The following DPP4 variants were observed in gnomAD, a reference collection of about 807,000 sequenced individuals.
DPP4 encodes the protein ADCP-2.
In DPP4, 93 loss-of-function variants were observed where a neutral mutation model predicts 122.4. That is an observed-to-expected ratio of 0.76 (90% CI 0.64 to 0.90). The LOEUF (loss-of-function observed/expected upper bound fraction) is 0.90. Ranked by LOEUF, DPP4 falls within the 40% of genes least tolerant of loss-of-function variation. The pLI, the probability that DPP4 is intolerant of heterozygous loss-of-function variation, is 0.00. For missense variants in DPP4, 914 were observed against 907.3 expected, an observed-to-expected ratio of 1.01 and a Z score of -0.09; for synonymous variants, 321 against 302.9, an observed-to-expected ratio of 1.06 and a Z score of -0.62.
At chr2:162,027,992 C>T (rs778863986) in intron 10 of DPP4, among the ~76,000 whole-genome samples, 3 of 150,928 alleles carry the variant, frequency 2.0e-5, no homozygotes, top group Non-Finnish European at 1.5e-5. Context: ...TTCTTATAAA[C>T]ATACTTCCCT....
At chr2:162,038,200 C>T in intron 8 of DPP4, 102 bp downstream of exon 8, 1 of 1,170,350 alleles carries the variant, frequency 8.5e-7, no homozygotes, top group Non-Finnish European at 1.2e-6. Context: ...AACAATGAAA[C>T]TTTTTTTCAA....
intron 2 of DPP4, among the ~76,000 whole-genome samples, chr2:162,048,714 T>C (rs981898980): frequency 1.3e-5 from 2 of 152,174 alleles, no homozygotes; most frequent in Non-Finnish European, 2.9e-5. Flanking sequence ...TGAAGACTAG[T>C]TCTGCCCCCT....
intron 8 of DPP4, among the ~76,000 whole-genome samples, chr2:162,035,853 C>T (rs1415979799): frequency 1.3e-5 from 2 of 152,134 alleles, no homozygotes; most frequent in African/African-American, 2.4e-5. Context: ...TGGCAAGGAA[C>T]TCCATTGAGA....
intron 23 of DPP4, among the ~76,000 whole-genome samples, chr2:162,004,963 T>A (rs1428260929): frequency 6.6e-6 from 1 of 152,168 alleles, no homozygotes; most frequent in Non-Finnish European, 1.5e-5. Flanking sequence ...TTTAAAAAAA[T>A]TTTTTTCAAC....
In DPP4 at chr2:162,011,906, A is replaced by G. The variant is rs1240058515; in HGVS notation, c.1719T>C (p.Ile573=). The G allele has an allele frequency of 2.5e-6, 4 of 1,613,620 alleles. No individual in the cohort carries two copies. The highest frequency in any genetic ancestry group is 3.4e-6 in the Non-Finnish European group (4 of 1,179,762). Residue 573 remains isoleucine (I), a synonymous_variant, in exon 20 of 26, where the codon ATT becomes ATC. Coordinates refer to ENST00000360534, the MANE Select transcript of DPP4 (RefSeq NM_001935.4). ...CTCTGCCATCAAAGCTAGCTACTAT[A>G]ATGTTTTCTGTGCTTGCAAGGTAAG... The part of the protein sequence containing the change: ...WATYLASTEN[I]IVASFDGRGS...
intron 10 of DPP4, among the ~76,000 whole-genome samples, chr2:162,032,724 C>G (rs1683599199): frequency 6.6e-6 from 1 of 150,420 alleles, no homozygotes; most frequent in Non-Finnish European, 1.5e-5. Flanking sequence ...AAAAAAACAG[C>G]AACAAAACCA....
At chr2:162,041,473 G>C (rs1431935455) in intron 5 of DPP4, among the ~76,000 whole-genome samples, 1 of 152,128 alleles carries the variant, frequency 6.6e-6, no homozygotes, top group East Asian at 1.9e-4. Context: ...GCAGAGCTGA[G>C]ATACAAAGTC....
chr2:162,059,279 T>C (rs971940997), intron 2 of DPP4, among the ~76,000 whole-genome samples: 1 of 152,182 alleles, frequency 6.6e-6, no homozygotes, highest in Admixed American at 6.5e-5. Context: ...CACTCCCTCT[T>C]TTCTTGATAA....
chr2:162,045,204 G>T (rs547769418), intron 5 of DPP4, among the ~76,000 whole-genome samples: 3 of 152,172 alleles, frequency 2.0e-5, no homozygotes, highest in African/African-American at 7.2e-5. Flanking sequence ...AAAGGGTTCT[G>T]TCATTAGGTG....
At chr2:162,004,723 A>C (rs1221901542) in intron 23 of DPP4, among the ~76,000 whole-genome samples, 1 of 152,224 alleles carries the variant, frequency 6.6e-6, no homozygotes, top group Non-Finnish European at 1.5e-5. Flanking sequence ...TGATCAGATG[A>C]CTTCAGCATC....
chr2:162,001,503 C>G (rs1349430067), intron 23 of DPP4, among the ~76,000 whole-genome samples: 1 of 152,180 alleles, frequency 6.6e-6, no homozygotes, highest in East Asian at 1.9e-4. Context: ...TACCTACTCT[C>G]TTTTATTTCT....
At chr2:162,056,565 C>T (rs1684581614) in intron 2 of DPP4, among the ~76,000 whole-genome samples, 2 of 152,182 alleles carry the variant, frequency 1.3e-5, no homozygotes. Context: ...TGCCTCTAAC[C>T]TCACAAACTA....
intron 10 of DPP4, among the ~76,000 whole-genome samples, chr2:162,026,336 G>A (rs1355900990): frequency 6.6e-6 from 1 of 152,162 alleles, no homozygotes; most frequent in Non-Finnish European, 1.5e-5. Flanking sequence ...ACTGAAACAG[G>A]ACCGAACCCC....
chr2:161,996,280 G>A (rs1701001589), intron 23 of DPP4, among the ~76,000 whole-genome samples: 1 of 152,200 alleles, frequency 6.6e-6, no homozygotes, highest in South Asian at 2.1e-4. Flanking sequence ...TTGGGAGGGG[G>A]TGAGCTAGAG....
Position 162,033,655 on chromosome 2 carries a change from T to C in DPP4, c.775-2A>G. On this transcript the variant is annotated splice_acceptor_variant, in intron 9 of 25. Coordinates refer to ENST00000360534, the MANE Select transcript of DPP4 (RefSeq NM_001935.4). LOFTEE classifies it high-confidence loss of function. The stretch of plus-strand genomic sequence containing the variant: ...TACAGTTGGATTCACAGCTCCTGCC[T>C]AGGAAAAAATAATCACAGAATTGGT... 1 of 1,586,480 alleles carries C rather than the reference T, an allele frequency of 6.3e-7. No individual in the cohort carries two copies. Among genetic ancestry groups the C allele is most frequent in the Non-Finnish European group, 8.6e-7 (1 of 1,168,154 alleles).
intron 2 of DPP4, among the ~76,000 whole-genome samples, chr2:162,055,867 A>G (rs1684555651): frequency 6.6e-6 from 1 of 152,152 alleles, no homozygotes; most frequent in African/African-American, 2.4e-5. Context: ...AAAAAATAAA[A>G]CATCTTAATG....
At position 162,046,908 on chromosome 2, in the gene DPP4, A is replaced by G. The variant is rs767361588; in HGVS notation, c.285+7T>C. ...TATGCATGAATTAATTACGTGATTA[A>G]ACATACAAATGTACTGTTCTCCAAG... On this transcript the variant is annotated splice_region_variant and intron_variant, in intron 4 of 25. Transcript: ENST00000360534. 1.3e-6 allele frequency: 2 copies of G among 1,539,262 alleles called. No individual in the cohort carries two copies. The highest frequency in any genetic ancestry group is 1.8e-6 in the Non-Finnish European group (2 of 1,112,140).
chr2:162,039,072 G>T (rs775773291), intron 6 of DPP4, 51 bp from the exon 7 acceptor site: 3 of 1,611,120 alleles, frequency 1.9e-6, no homozygotes, highest in Non-Finnish European at 2.5e-6. Context: ...CTCACATTGG[G>T]GTTTCCTTAA....
intron 12 of DPP4, among the ~76,000 whole-genome samples, chr2:162,021,064 C>A (rs996893589): frequency 1.1e-4 from 17 of 152,188 alleles, no homozygotes; most frequent in Non-Finnish European, 1.5e-5. Context: ...CTCAGTGTCA[C>A]AAATGTGCTC....
Sources: allele counts gnomAD v4.1 joint callset (sites outside exome capture counted in the v4.1 genomes callset), GRCh38; gene constraint gnomAD v4.1.1; transcripts MANE v1.5; gene names NCBI Gene and HGNC (gene_info 2026-07-23, HGNC 2026-07-21).